Variants in ADGRL3 observed in about 807,000 individuals in gnomAD.
The protein encoded by ADGRL3 is adhesion G protein-coupled receptor L3.
A neutral mutation model predicts 153.5 loss-of-function variants in ADGRL3; 62 were observed. The observed-to-expected ratio is 0.40, with a 90% CI of 0.33 to 0.50. ADGRL3 has a LOEUF of 0.50. ADGRL3 is among the 20% of genes least tolerant of loss of function. The probability of loss-of-function intolerance (pLI) is 0.47; values close to 1 mark genes in which losing one functional copy is unlikely to be tolerated. For missense variants in ADGRL3, 1,641 were observed against 1,859.4 expected (o/e 0.88, Z 2.16); for synonymous variants, 710 against 672.5 (o/e 1.06, Z -0.86).
In ADGRL3 at chr4:61,733,554, G is replaced by GGTAA. The variant is rs765646785; in HGVS notation, c.1399+3_1399+6dup. The GGTAA allele has an allele frequency of 3.1e-6, 5 of 1,602,370 alleles. No homozygotes were observed. The Admixed American group carries it at 6.7e-5, about 22-fold the overall frequency. The stretch of plus-strand genomic sequence containing the variant: ...TTTTGGACCTCTGGATAGTAGATCA[G>GGTAA]GTAAGTTCAACCTTTTGTGGTACTC... On this transcript the variant is annotated frameshift_variant and splice_region_variant. Coordinates refer to ENST00000683033, the MANE Select transcript of ADGRL3 (RefSeq NM_001387552.1). LOFTEE classifies it high-confidence loss of function.
At chr4:62,038,147 A>G (rs1023694974) in intron 24 of ADGRL3, among the ~76,000 whole-genome samples, 1 of 152,200 alleles carries the variant, frequency 6.6e-6, no homozygotes, top group Non-Finnish European at 1.5e-5. Context: ...CCAAAATTCT[A>G]AGAAAGTAAC....
intron 2 of ADGRL3, among the ~76,000 whole-genome samples, chr4:61,420,947 C>T (rs868616401): frequency 6.6e-6 from 1 of 152,102 alleles, no homozygotes; most frequent in Non-Finnish European, 1.5e-5. Context: ...GGCCTATATT[C>T]AAGTTTTAGC....
intron 2 of ADGRL3, among the ~76,000 whole-genome samples, chr4:61,478,578 T>G (rs1297784859): frequency 6.6e-6 from 1 of 152,082 alleles, no homozygotes; most frequent in South Asian, 2.1e-4. Flanking sequence ...TGTTTTTGGC[T>G]TCTGCTATGT....
At chr4:61,453,458 T>G (rs1331265385) in intron 2 of ADGRL3, among the ~76,000 whole-genome samples, 1 of 152,176 alleles carries the variant, frequency 6.6e-6, no homozygotes, top group African/African-American at 2.4e-5. Context: ...CAGAGCATTG[T>G]GTTCCGGGCA....
At chr4:61,446,145 A>T (rs1216683400) in intron 2 of ADGRL3, among the ~76,000 whole-genome samples, 1 of 152,124 alleles carries the variant, frequency 6.6e-6, no homozygotes, top group Non-Finnish European at 1.5e-5. Flanking sequence ...TGTAAATATG[A>T]GCTCTGCCCT....
At chr4:61,941,276 G>A (rs1253064644) in intron 15 of ADGRL3, among the ~76,000 whole-genome samples, 245 of 131,608 alleles carry the variant, frequency 1.9e-3, no homozygotes, top group African/African-American at 6.8e-3. Flanking sequence ...GCTGTGTTCT[G>A]TTCCATTGAT....
chr4:61,794,903 TATTGTC>T (rs149424813), intron 8 of ADGRL3, among the ~76,000 whole-genome samples: 11,234 of 152,278 alleles, frequency 0.074, 474 homozygotes, highest in Middle Eastern at 0.13. Flanking sequence ...GAAAGTTACT[TATTGTC>T]ATTGCTTTCA....
rs113638805 is a variant in ADGRL3, at chr4:62,031,155, A to G, written c.3423-287A>G. ...TTGCCATTCACCATAATTACACCTC[A>G]TGCCATTTGCATATGTGCTGCAAAT... On this transcript the variant is annotated intron_variant, in intron 22 of 26. Coordinates refer to ENST00000683033, the MANE Select transcript of ADGRL3 (RefSeq NM_001387552.1). Among the ~76,000 whole-genome samples the G allele has an allele frequency of 2.0e-5, 3 of 151,712 alleles. No individual in the cohort carries two copies. In the South Asian group the frequency reaches 6.2e-4, roughly 31 times the overall value.
chr4:61,666,391 A>G (rs2094794929), intron 5 of ADGRL3, among the ~76,000 whole-genome samples: 1 of 152,104 alleles, frequency 6.6e-6, no homozygotes, highest in Non-Finnish European at 1.5e-5. Context: ...GAAATATCAC[A>G]TATTGAAAGA....
At chr4:61,806,709 A>G (rs1420926258) in intron 8 of ADGRL3, among the ~76,000 whole-genome samples, 1 of 152,130 alleles carries the variant, frequency 6.6e-6, no homozygotes, top group Non-Finnish European at 1.5e-5. Context: ...ATTTGTAAGT[A>G]AAAATACAGA....
chr4:61,260,646 A>G (rs1270203133), intron 1 of ADGRL3, among the ~76,000 whole-genome samples: 1 of 152,192 alleles, frequency 6.6e-6, no homozygotes, highest in African/African-American at 2.4e-5. Flanking sequence ...AATACATAGA[A>G]ATTTGACCGT....
chr4:61,851,965 T>C (rs1014893332), intron 9 of ADGRL3, among the ~76,000 whole-genome samples: 1 of 152,198 alleles, frequency 6.6e-6, no homozygotes, highest in African/African-American at 2.4e-5. Context: ...ATCACGCACG[T>C]GTTTACGGAG....
At chr4:61,243,402 G>T (rs533924355) in intron 1 of ADGRL3, among the ~76,000 whole-genome samples, 1 of 152,114 alleles carries the variant, frequency 6.6e-6, no homozygotes, top group South Asian at 2.1e-4. Context: ...CTAAATTGAA[G>T]AATATAGACA....
At chr4:61,395,364 A>G (rs972391799) in intron 2 of ADGRL3, among the ~76,000 whole-genome samples, 1 of 152,024 alleles carries the variant, frequency 6.6e-6, no homozygotes, top group Non-Finnish European at 1.5e-5. Flanking sequence ...ATATATGCTT[A>G]TATGGCTTGT....
intron 2 of ADGRL3, among the ~76,000 whole-genome samples, chr4:61,436,453 A>G (rs2097446872): frequency 6.6e-6 from 1 of 152,230 alleles, no homozygotes; most frequent in East Asian, 1.9e-4. Flanking sequence ...AGGAGCTCAT[A>G]GTCTAGTAGG....
At chr4:61,387,593 T>A (rs1362739261) in intron 2 of ADGRL3, among the ~76,000 whole-genome samples, 2 of 152,066 alleles carry the variant, frequency 1.3e-5, no homozygotes, top group Non-Finnish European at 2.9e-5. Context: ...TTCAGCGATA[T>A]TTCTCCCATT....
chr4:61,339,816 G>A (rs2095766838), intron 1 of ADGRL3, among the ~76,000 whole-genome samples: 1 of 152,066 alleles, frequency 6.6e-6, no homozygotes, highest in Non-Finnish European at 1.5e-5. Context: ...GGAGCCCAAG[G>A]GTACAATCTT....
chr4:61,315,754 C>T (rs2095187869), intron 1 of ADGRL3, among the ~76,000 whole-genome samples: 1 of 152,158 alleles, frequency 6.6e-6, no homozygotes, highest in African/African-American at 2.4e-5. Context: ...GCCATAAAAT[C>T]ATTTTCAGAC....
chr4:61,415,373 C>T (rs1336308193), intron 2 of ADGRL3, among the ~76,000 whole-genome samples: 1 of 151,916 alleles, frequency 6.6e-6, no homozygotes, highest in Non-Finnish European at 1.5e-5. Flanking sequence ...TTCACAAGAA[C>T]TAAAGAGTTA....
Sources: gnomAD v4.1 joint callset for allele counts (sites outside exome capture counted in the v4.1 genomes callset) on GRCh38, gnomAD v4.1.1 for gene constraint, MANE v1.5 for transcripts, NCBI Gene and HGNC (gene_info 2026-07-23, HGNC 2026-07-21) for gene names.